Variants in MPP7 observed in about 807,000 individuals in gnomAD.
MPP7 encodes MAGUK p55 scaffold protein 7, also known as MAGUK p55 subfamily member 7.
A neutral mutation model predicts 76.5 loss-of-function variants in MPP7; 60 were observed. The ratio of observed to expected loss-of-function variants is 0.78; its 90% confidence interval spans 0.64 to 0.97. The LOEUF is 0.97. Ranked by LOEUF, MPP7 falls within the 50% of genes least tolerant of loss-of-function variation. The pLI is 0.00. For missense variants in MPP7, 641 were observed against 694.0 expected, an observed-to-expected ratio of 0.92 and a Z score of 0.86; for synonymous variants, 237 against 244.5, an observed-to-expected ratio of 0.97 and a Z score of 0.29.
intron 11 of MPP7, among the ~76,000 whole-genome samples, chr10:28,093,521 A>G (rs2801847): frequency 0.1 from 15,158 of 147,766 alleles, 988 homozygotes; most frequent in Non-Finnish European, 0.16. Context: ...ATCTCAGCTC[A>G]CTGCAGCCTC....
At chr10:28,332,768 C>T (rs1243257742) in intron 1 of MPP7, among the ~76,000 whole-genome samples, 2 of 152,006 alleles carry the variant, frequency 1.3e-5, no homozygotes, top group Non-Finnish European at 2.9e-5. Flanking sequence ...CTCAAGCAAT[C>T]CTCCCACCTC....
intron 1 of MPP7, among the ~76,000 whole-genome samples, chr10:28,239,974 T>C (rs1028657171): frequency 6.6e-5 from 10 of 152,014 alleles, no homozygotes; most frequent in African/African-American, 2.2e-4. Flanking sequence ...ATTCAGGTAA[T>C]GAGATTATAC....
intron 2 of MPP7, among the ~76,000 whole-genome samples, chr10:28,221,052 C>T (rs530727345): frequency 2.0e-5 from 3 of 152,166 alleles, no homozygotes; most frequent in South Asian, 4.2e-4. Flanking sequence ...AATAATGCAG[C>T]GGCTGAACTC....
At chr10:28,055,303 C>T (rs997848824) in intron 16 of MPP7, among the ~76,000 whole-genome samples, 21 of 151,958 alleles carry the variant, frequency 1.4e-4, no homozygotes, top group Admixed American at 1.2e-3. Flanking sequence ...CTACTCAGAA[C>T]GGATATGTAC....
chr10:28,065,152 G>A (rs780641807), intron 13 of MPP7, among the ~76,000 whole-genome samples: 5 of 152,142 alleles, frequency 3.3e-5, no homozygotes, highest in Admixed American at 2.0e-4. Flanking sequence ...TCTTTCTTAC[G>A]GACAGAGAAA....
intron 6 of MPP7, among the ~76,000 whole-genome samples, chr10:28,130,204 T>C (rs541051387): frequency 6.6e-6 from 1 of 152,320 alleles, no homozygotes; most frequent in Non-Finnish European, 1.5e-5. Flanking sequence ...ACATAATGTT[T>C]GCATAATGCT....
intron 5 of MPP7, among the ~76,000 whole-genome samples, chr10:28,137,324 A>G (rs956297394): frequency 3.3e-5 from 5 of 152,256 alleles, no homozygotes; most frequent in African/African-American, 1.2e-4. Flanking sequence ...CTTGCATTGC[A>G]AGAAATGTTA....
At chr10:28,091,366 C>T (rs1853293267) in intron 11 of MPP7, among the ~76,000 whole-genome samples, 1 of 150,086 alleles carries the variant, frequency 6.7e-6, no homozygotes, top group African/African-American at 2.5e-5. Context: ...CGGCTCATTG[C>T]AACCTCCGCC....
At chr10:28,180,231 T>C (rs1372156011) in intron 3 of MPP7, among the ~76,000 whole-genome samples, 1 of 152,186 alleles carries the variant, frequency 6.6e-6, no homozygotes, top group East Asian at 1.9e-4. Flanking sequence ...TCTAGTTTTA[T>C]TAGTGATGAA....
intron 2 of MPP7, among the ~76,000 whole-genome samples, chr10:28,324,698 C>A (rs772105861): frequency 5.3e-5 from 8 of 152,158 alleles, no homozygotes; most frequent in Non-Finnish European, 1.2e-4. Flanking sequence ...ACAGGTTTAA[C>A]AATGCCATGA....
intron 1 of MPP7, among the ~76,000 whole-genome samples, chr10:28,240,150 A>G (rs926757403): frequency 1.3e-5 from 2 of 152,162 alleles, no homozygotes; most frequent in African/African-American, 4.8e-5. Flanking sequence ...TTTTAAGTTC[A>G]TTTTTAATGC....
intron 2 of MPP7, among the ~76,000 whole-genome samples, chr10:28,213,269 T>C (rs1249508300): frequency 6.6e-6 from 1 of 151,992 alleles, no homozygotes; most frequent in Non-Finnish European, 1.5e-5. Context: ...GCTGGAGCTG[T>C]CATTCAGTAG....
At chr10:28,120,047 A>G in intron 10 of MPP7, 147 bp downstream of exon 10, 1 of 825,764 alleles carries the variant, frequency 1.2e-6, no homozygotes, top group Admixed American at 3.0e-5. Context: ...ATACTTAGTT[A>G]GACAAAACAG....
At chr10:28,194,339 A>G (rs1308243520) in intron 3 of MPP7, among the ~76,000 whole-genome samples, 1 of 152,196 alleles carries the variant, frequency 6.6e-6, no homozygotes, top group African/African-American at 2.4e-5. Flanking sequence ...AGCTAGTCTT[A>G]CCACATGATC....
intron 2 of MPP7, among the ~76,000 whole-genome samples, chr10:28,203,973 C>G (rs530832370): frequency 1.2e-4 from 18 of 152,140 alleles, no homozygotes; most frequent in Non-Finnish European, 2.1e-4. Context: ...TAAGTTTCAG[C>G]TATTGTCATA....
chr10:28,262,149 C>CA (rs1195872977), intron 1 of MPP7, among the ~76,000 whole-genome samples: 12 of 108,332 alleles, frequency 1.1e-4, no homozygotes, highest in Middle Eastern at 6.0e-3. Context: ...GACTCTGTCT[C>CA]AAAAAAAAGA....
At chr10:28,103,068 T>G (rs1853901901) in intron 11 of MPP7, among the ~76,000 whole-genome samples, 1 of 152,230 alleles carries the variant, frequency 6.6e-6, no homozygotes, top group Non-Finnish European at 1.5e-5. Flanking sequence ...TTGACCCATC[T>G]TTAGGGCCTT....
At chr10:28,099,940 C>A (rs1323031489) in intron 11 of MPP7, among the ~76,000 whole-genome samples, 1 of 151,166 alleles carries the variant, frequency 6.6e-6, no homozygotes, top group South Asian at 2.1e-4. Context: ...TTTTTTCTCA[C>A]CTTAAAATTA....
intron 12 of MPP7, among the ~76,000 whole-genome samples, chr10:28,071,523 T>G (rs1310174176): frequency 6.6e-6 from 1 of 152,204 alleles, no homozygotes; most frequent in Admixed American, 6.5e-5. Flanking sequence ...TTCTCCCTCT[T>G]ATAATAAATA....
Sources: gnomAD v4.1 joint callset for allele counts (sites outside exome capture counted in the v4.1 genomes callset) on GRCh38, gnomAD v4.1.1 for gene constraint, MANE v1.5 for transcripts, NCBI Gene and HGNC (gene_info 2026-07-23, HGNC 2026-07-21) for gene names.